ZNF710: variants seen among roughly 807,000 people sequenced by gnomAD.
The protein encoded by ZNF710 is zinc finger protein 710.
Under a neutral mutation model 50.6 loss-of-function variants are expected in ZNF710, and 13 were observed. The ratio of observed to expected loss-of-function variants is 0.26; its 90% CI spans 0.17 to 0.41. ZNF710 has a LOEUF of 0.41. Ranked by LOEUF, ZNF710 falls within the 10% of genes least tolerant of loss-of-function variation. The pLI is 1.00. For missense variants in ZNF710, 721 were observed against 936.6 expected (o/e 0.77, Z 3.01); for synonymous variants, 383 against 397.0 (o/e 0.96, Z 0.42).
rs74542477 is a variant in ZNF710 at position 90,004,093 on chromosome 15, C to G, written c.-29+2479C>G. On this transcript the variant is annotated intron_variant, in intron 1 of 4. Coordinates refer to ENST00000268154, the MANE Select transcript of ZNF710 (RefSeq NM_198526.4). Reference sequence around the variant, plus strand: ...GGTGTGTGGTCAGCGGGCCATTTTTCCAGGGCTTGGGTCATTTCCATTCCA... The same window carrying G: ...GGTGTGTGGTCAGCGGGCCATTTTTGCAGGGCTTGGGTCATTTCCATTCCA... Among the ~76,000 whole-genome samples the G allele has an allele frequency of 3.7e-3, 566 of 152,156 alleles. 2 individuals are homozygous for G. Among genetic ancestry groups the G allele is most frequent in the African/African-American group, 0.013 (521 of 41,508 alleles).
rs1899950005 is a variant in ZNF710 at position 90,059,859 on chromosome 15, T to C, written c.-28-7251T>C. ...AGGCGGTGAAATCCCGTGCATGTTT[T>C]TCACAGCGGGTGTACAGGCCTGGAA... On this transcript the variant is annotated intron_variant, in intron 1 of 4. Transcript: ENST00000268154. The surrounding 1 kb of genome is among the most constrained non-coding windows in gnomAD (Gnocchi z 4.1). 6.6e-6 allele frequency among the ~76,000 whole-genome samples: 1 copy of C among 152,242 alleles called. No homozygotes were observed. Among genetic ancestry groups the C allele is most frequent in the South Asian group, 2.1e-4 (1 of 4,836 alleles).
intron 1 of ZNF710, among the ~76,000 whole-genome samples, chr15:90,063,678 C>G (rs1900080494): frequency 1.3e-5 from 2 of 152,086 alleles, no homozygotes; most frequent in African/African-American, 4.8e-5. Flanking sequence ...TAGAAAGGGG[C>G]CCGGTGTGGA....
At chr15:90,008,445 T>TATATATATACATATATATATATACAC (rs1567218440) in intron 1 of ZNF710, among the ~76,000 whole-genome samples, 5 of 142,308 alleles carry the variant, frequency 3.5e-5, no homozygotes, top group African/African-American at 1.4e-4. Flanking sequence ...TATATACATA[T>TATATATATACATATATATATATACAC]ATATATATGT....
At chr15:90,074,573 A>G in intron 4 of ZNF710, 1 of 1,315,822 alleles carries the variant, frequency 7.6e-7, no homozygotes, top group Non-Finnish European at 1.0e-6. Flanking sequence ...TTATTAACTC[A>G]TGTGATCCTC....
intron 1 of ZNF710, among the ~76,000 whole-genome samples, chr15:90,061,486 G>C (rs187002867): frequency 1.3e-3 from 197 of 152,240 alleles, no homozygotes; most frequent in African/African-American, 4.5e-3. Flanking sequence ...GTTGGTGTTT[G>C]AGATCTCCCT....
chr15:90,057,322 G>A (rs931262274), intron 1 of ZNF710, among the ~76,000 whole-genome samples: 2 of 152,128 alleles, frequency 1.3e-5, no homozygotes, highest in Non-Finnish European at 2.9e-5. Context: ...TGAGGAAGAA[G>A]GCACCTGGGG....
chr15:90,055,872 T>G (rs1899797114), intron 1 of ZNF710, among the ~76,000 whole-genome samples: 1 of 152,116 alleles, frequency 6.6e-6, no homozygotes, highest in Admixed American at 6.5e-5. Flanking sequence ...CCCAGCACTT[T>G]GGGAGGCCGA....
intron 1 of ZNF710, among the ~76,000 whole-genome samples, chr15:90,005,476 GTCTCA>G (rs1898117087): frequency 6.6e-6 from 1 of 152,136 alleles, no homozygotes; most frequent in African/African-American, 2.4e-5. Flanking sequence ...TTGAGACGGA[GTCTCA>G]CTCTTTCACC....
In ZNF710 at chr15:90,067,360, G is replaced by C. The variant is rs1157258286; in HGVS notation, c.223G>C (p.Ala75Pro). The change falls in exon 2 of 5, where the codon GCC becomes CCC. Residue 75 changes from alanine (A) to proline (P), a missense_variant. Coordinates refer to ENST00000268154, the MANE Select transcript of ZNF710 (RefSeq NM_198526.4). The surrounding 1 kb of genome is among the most constrained non-coding windows in gnomAD (Gnocchi z 8.1). ...CTACCAGCTGGCCTGCAACGGGAGG[G>C]CCTTGGAGGAGCCGGCGGAGGAGGA... Reference protein sequence around the residue: ...DVYQLACNGRALEEPAEEEVL... With the variant: ...DVYQLACNGRPLEEPAEEEVL... 1.9e-6 allele frequency: 3 copies of C among 1,599,132 alleles called. No individual in the cohort carries two copies. Among genetic ancestry groups the C allele is most frequent in the South Asian group, 2.2e-5 (2 of 89,168 alleles).
Position 90,045,872 on chromosome 15 carries a change from C to T in ZNF710, c.-28-21238C>T. Among the ~76,000 whole-genome samples, 2 of 152,106 alleles carry T rather than the reference C, an allele frequency of 1.3e-5. 1 individual carries two copies. Among genetic ancestry groups the T allele is most frequent in the African/African-American group, 4.8e-5 (2 of 41,420 alleles). On this transcript the variant is annotated intron_variant, in intron 1 of 4. Coordinates refer to ENST00000268154, the MANE Select transcript of ZNF710 (RefSeq NM_198526.4). ...ACGCGAGGTAGCAGGGGCCAGGTCT[C>T]TTCTGGAGGACCTACCGCATGTCTC...
At chr15:90,015,410 T>C (rs1596266415) in intron 1 of ZNF710, among the ~76,000 whole-genome samples, 1 of 152,206 alleles carries the variant, frequency 6.6e-6, no homozygotes, top group East Asian at 1.9e-4. Flanking sequence ...AAATTAAAAG[T>C]GCACGGGCAA....
chr15:90,039,231 A>T (rs1377321117), intron 1 of ZNF710, among the ~76,000 whole-genome samples: 1 of 151,740 alleles, frequency 6.6e-6, no homozygotes, highest in Non-Finnish European at 1.5e-5. Flanking sequence ...GTGAGCTGAG[A>T]TTGTGCCACT....
intron 1 of ZNF710, among the ~76,000 whole-genome samples, chr15:90,030,902 C>T (rs909414427): frequency 2.6e-5 from 4 of 151,620 alleles, no homozygotes; most frequent in Admixed American, 2.0e-4. Flanking sequence ...GCCTGTAGTC[C>T]CAGCTACTTG....
At chr15:90,066,830 G>A (rs1375337695) in intron 1 of ZNF710, among the ~76,000 whole-genome samples, 1 of 152,104 alleles carries the variant, frequency 6.6e-6, no homozygotes, top group East Asian at 1.9e-4. Flanking sequence ...AACAATTGAG[G>A]AAATCCCACC....
intron 1 of ZNF710, among the ~76,000 whole-genome samples, chr15:90,037,969 C>T (rs1005544306): frequency 2.6e-5 from 4 of 152,190 alleles, no homozygotes; most frequent in Admixed American, 2.0e-4. Context: ...GTGTCTACTC[C>T]CCTTTAACCA....
chr15:90,074,615 T>C (rs1447762692), intron 4 of ZNF710: 2 of 913,616 alleles, frequency 2.2e-6, no homozygotes, highest in Non-Finnish European at 3.0e-6. Flanking sequence ...TTGTCATCGT[T>C]TTACAGATGC....
intron 1 of ZNF710, among the ~76,000 whole-genome samples, chr15:90,061,167 C>A (rs572322104): frequency 1.3e-5 from 2 of 151,942 alleles, no homozygotes; most frequent in Non-Finnish European, 1.5e-5. Context: ...TATTTCTATA[C>A]TTTTTTTTGT....
At chr15:90,002,908 C>A (rs1045551143) in intron 1 of ZNF710, among the ~76,000 whole-genome samples, 2 of 152,190 alleles carry the variant, frequency 1.3e-5, no homozygotes, top group Non-Finnish European at 2.9e-5. Context: ...GAGTCTTGCT[C>A]TGTCGCCCAG....
chr15:90,002,865 T>A (rs565066622), intron 1 of ZNF710, among the ~76,000 whole-genome samples: 1 of 152,276 alleles, frequency 6.6e-6, no homozygotes, highest in East Asian at 1.9e-4. Flanking sequence ...GGCGTAGCAG[T>A]ATCCGGGGTG....
Sources: allele counts gnomAD v4.1 joint callset (sites outside exome capture counted in the v4.1 genomes callset), GRCh38; gene constraint gnomAD v4.1.1; non-coding constraint Gnocchi (gnomAD v3.1); transcripts MANE v1.5; gene names NCBI Gene and HGNC (gene_info 2026-07-23, HGNC 2026-07-21).